The following AKR7A3 variants were observed in gnomAD, a reference collection of about 807,000 sequenced individuals.
The protein encoded by AKR7A3 is AFB1 aldehyde reductase 2.
In AKR7A3, 37 loss-of-function variants were observed where a neutral mutation model predicts 32.5. That is an observed-to-expected ratio of 1.14 (90% CI 0.88 to 1.50). AKR7A3 has a LOEUF of 1.50. AKR7A3 is among the 40% of genes most tolerant of loss of function. The pLI, the probability that AKR7A3 is intolerant of heterozygous loss-of-function variation, is 0.00. For synonymous variants in AKR7A3, 177 were observed against 188.4 expected (o/e 0.94, Z 0.50); for missense variants, 412 against 453.2 (o/e 0.91, Z 0.83).
chr1:19,288,684 C>T lies in AKR7A3; in HGVS notation c.26G>A (p.Arg9Gln), dbSNP rs538273137. The change falls in exon 1 of 7, where the codon CGG becomes CAG. Residue 9 changes from arginine (R) to glutamine (Q), a missense_variant. Arg to Gln is a conservative substitution (Grantham distance 43, BLOSUM62 1). Transcript: ENST00000361640. ...CATGGCGCCCAGCACCGTGGCTGGC[C>T]GGGCCCGCGACAGCTGCCGGGACAT... MSRQLSRA[R>Q]PATVLGAMEM... The T allele has an allele frequency of 3.3e-6, 5 of 1,516,454 alleles. No individual in the cohort carries two copies. The highest frequency in any genetic ancestry group is 2.3e-4 in the Middle Eastern group (1 of 4,270). The allele number at this position is 1,516,454 out of a possible 1,614,324, so 93.9% of individuals were successfully genotyped here. A position where few individuals can be genotyped will look rare whatever the true frequency, so the allele number is the denominator to read the frequency against.
chr1:19,287,410 G>C (rs1220336246), intron 1 of AKR7A3, among the ~76,000 whole-genome samples: 1 of 151,728 alleles, frequency 6.6e-6, no homozygotes, highest in African/African-American at 2.4e-5. Flanking sequence ...GGCCAGGTTC[G>C]TTCTGGATCT....
At chr1:19,279,259 TA>T (rs758955894), downstream of AKR7A3, among the ~76,000 whole-genome samples, 66 of 152,118 alleles carry the variant, frequency 4.3e-4, no homozygotes, top group South Asian at 8.3e-4. Context: ...ACTTTTTTAT[TA>T]TTTTTTTTAA....
intron 3 of AKR7A3, among the ~76,000 whole-genome samples, chr1:19,285,649 C>G (rs1361870119): frequency 1.3e-5 from 2 of 151,380 alleles, no homozygotes; most frequent in East Asian, 3.9e-4. Flanking sequence ...AGGCTGAGTG[C>G]AGGGGAAGGT....
rs1286730579 is a variant in AKR7A3 at position 19,286,352 on chromosome 1, T to C, written c.235A>G (p.Ile79Val). The C allele has an allele frequency of 1.2e-6, 2 of 1,613,832 alleles. No homozygotes were observed. The highest frequency in any genetic ancestry group is 1.7e-6 in the Non-Finnish European group (2 of 1,180,028). ...DCRVKIDTKA[I>V]PLFGNSLKPD... ...TTCAGGGAGTTCCCAAACAGTGGAA[T>C]GGCCTTGGTATCAATTTTCACTGAG... Residue 79 changes from isoleucine to valine, a missense_variant, in exon 2 of 7, where the codon ATT (isoleucine) becomes GTT (valine). Ile to Val is a conservative substitution (Grantham distance 29, BLOSUM62 3). Coordinates refer to ENST00000361640, the MANE Select transcript of AKR7A3 (RefSeq NM_012067.3).
intron 6 of AKR7A3, among the ~76,000 whole-genome samples, chr1:19,283,779 C>T (rs892405626): frequency 4.6e-5 from 7 of 151,784 alleles, no homozygotes; most frequent in African/African-American, 7.3e-5. Flanking sequence ...TGCAGTGACC[C>T]GAGATCATGC....
At chr1:19,284,931 G>T in intron 4 of AKR7A3, 87 bp downstream of exon 4, 2 of 1,599,368 alleles carry the variant, frequency 1.3e-6, no homozygotes, top group South Asian at 1.1e-5. Flanking sequence ...GTCAAAGTTT[G>T]TCAAACCCTC....
At position 19,285,199 on chromosome 1, in the gene AKR7A3, G is replaced by C. The variant is rs928867913; in HGVS notation, c.508-85C>G. 9.3e-6 allele frequency: 12 copies of C among 1,291,792 alleles called. No individual in the cohort carries two copies. In the African/African-American group the frequency reaches 1.8e-4, roughly 19 times the overall value. The allele number at this position is 1,291,792 out of a possible 1,614,324, so 80.0% of individuals were successfully genotyped here. A position where few individuals can be genotyped will look rare whatever the true frequency, so the allele number is the denominator to read the frequency against. The stretch of plus-strand genomic sequence containing the variant: ...TTACCCTTCCAGAACCCTTATTTCA[G>C]ACCTTAACAATTCTAGGACTTTAAC... On this transcript the variant is annotated intron_variant, in intron 3 of 6. Coordinates refer to ENST00000361640, the MANE Select transcript of AKR7A3 (RefSeq NM_012067.3).
chr1:19,284,063 T>C lies in AKR7A3; in HGVS notation c.767A>G (p.Tyr256Cys). Residue 256 changes from tyrosine (Y) to cysteine (C), a missense_variant, in exon 6 of 7, where the codon TAT (tyrosine) becomes TGT (cysteine). Coordinates refer to ENST00000361640, the MANE Select transcript of AKR7A3 (RefSeq NM_012067.3). ...ALVEKALQAA[Y>C]GASAPSMTSA... The stretch of plus-strand genomic sequence containing the variant: ...GGTCATGCTGGGGGCGCTGGCGCCA[T>C]ACGCGGCCTGCAGGGCCTTCTCCAC... 1 of 1,613,706 alleles carries C rather than the reference T, an allele frequency of 6.2e-7. No homozygotes were observed. Among genetic ancestry groups the C allele is most frequent in the Non-Finnish European group, 8.5e-7 (1 of 1,179,852 alleles).
the AKR7A3 span, among the ~76,000 whole-genome samples, chr1:19,274,899 C>CCAAAAAAAAAAAAAA: frequency 6.8e-5 from 3 of 44,314 alleles, no homozygotes; most frequent in Non-Finnish European, 8.0e-5. Context: ...TCTCTAAATA[C>CCAAAAAAAAAAAAAA]AAAAAAAAAA....
chr1:19,284,318 A>G (rs78167373), intron 5 of AKR7A3, among the ~76,000 whole-genome samples, 193 bp from the exon 6 acceptor site: 4,291 of 152,008 alleles, frequency 0.028, 80 homozygotes, highest in South Asian at 0.053. Flanking sequence ...AGACCTCAAC[A>G]AATCTTTATT....
downstream of AKR7A3, among the ~76,000 whole-genome samples, chr1:19,278,113 G>A (rs2093713742): frequency 6.6e-6 from 1 of 151,786 alleles, no homozygotes; most frequent in Admixed American, 6.6e-5. Flanking sequence ...CATTTAGGTG[G>A]GTGATTCATT....
intron 1 of AKR7A3, among the ~76,000 whole-genome samples, chr1:19,288,223 A>C (rs577565131): frequency 6.6e-6 from 1 of 152,268 alleles, no homozygotes; most frequent in East Asian, 1.9e-4. Context: ...CATTCCAGGC[A>C]AGACCAAGTC....
intron 1 of AKR7A3, 125 bp from the exon 2 acceptor site, chr1:19,286,497 T>C: frequency 1.1e-6 from 1 of 950,644 alleles, no homozygotes; most frequent in Non-Finnish European, 1.6e-6. Flanking sequence ...TGGACCAACA[T>C]GGTGAAACCC....
chr1:19,282,221 G>A (rs1182268917), downstream of AKR7A3, among the ~76,000 whole-genome samples: 1 of 151,828 alleles, frequency 6.6e-6, no homozygotes, highest in Admixed American at 6.6e-5. Context: ...AGCCTGGTGG[G>A]AGGGGTTAGG....
At chr1:19,287,193 G>C (rs548651546) in intron 1 of AKR7A3, among the ~76,000 whole-genome samples, 1 of 151,396 alleles carries the variant, frequency 6.6e-6, no homozygotes, top group East Asian at 1.9e-4. Context: ...AGTAGTCCCA[G>C]CTACTCAGGA....
rs145556063 is a variant in AKR7A3, at chr1:19,283,833, CA to C, written c.834+162del. ...GTGACAGAGTGAGACTCTGTCCCCC[CA>C]AAAAAAAAACATAGAAAAAGACCAG... On this transcript the variant is annotated intron_variant, in intron 6 of 6. Transcript: ENST00000361640. 2.8e-4 allele frequency among the ~76,000 whole-genome samples: 40 copies of C among 142,880 alleles called. 1 individual carries two copies. The highest frequency in any genetic ancestry group is 3.7e-3 in the Middle Eastern group (1 of 272). 93.7% of individuals were successfully genotyped at this position (142,880 alleles called of 152,430 possible).
At chr1:19,288,437 C>T in intron 1 of AKR7A3, 59 bp downstream of exon 1, 1 of 1,572,274 alleles carries the variant, frequency 6.4e-7, no homozygotes, top group Non-Finnish European at 8.6e-7. Context: ...GGGCGGTACA[C>T]GGCTGTGGAC....
rs1430183406 is a variant in AKR7A3, at chr1:19,282,885, T to C, written c.842A>G (p.His281Arg). ...MYHHSQLQGAHGDAVILGMSS... is the reference protein window; with the variant it reads ...MYHHSQLQGARGDAVILGMSS... ...CATGCCCAGGATGACCGCGTCCCCGTGGGCACCCTGCAAGGGAGACGGCCA... is the reference window on the plus strand; with the variant it reads ...CATGCCCAGGATGACCGCGTCCCCGCGGGCACCCTGCAAGGGAGACGGCCA... The change falls in exon 7 of 7, where the codon CAC (histidine) becomes CGC (arginine). Residue 281 changes from histidine to arginine, a missense_variant. Physicochemically the swap from His to Arg is conservative, Grantham distance 29. Transcript: ENST00000361640. 6.2e-7 allele frequency: 1 copy of C among 1,611,840 alleles called. No homozygotes were observed. Among genetic ancestry groups the C allele is most frequent in the South Asian group, 1.1e-5 (1 of 90,974 alleles).
chr1:19,284,186 C>A lies in AKR7A3; in HGVS notation c.705-61G>T. 4 of 1,557,088 alleles carry A rather than the reference C, an allele frequency of 2.6e-6. No homozygotes were observed. In the South Asian group the frequency reaches 3.7e-5, roughly 14 times the overall value. On this transcript the variant is annotated intron_variant, in intron 5 of 6. Transcript: ENST00000361640. The stretch of plus-strand genomic sequence containing the variant: ...CACATTGGGAGCCACAACCAAAGAG[C>A]CAACCAGGGCCACTGTCCCACCCCA...
Sources: gnomAD v4.1 joint callset for allele counts (sites outside exome capture counted in the v4.1 genomes callset) on GRCh38, gnomAD v4.1.1 for gene constraint, MANE v1.5 for transcripts, NCBI Gene and HGNC (gene_info 2026-07-23, HGNC 2026-07-21) for gene names.